RP1: variants seen among roughly 807,000 people sequenced by gnomAD.
RP1 encodes the protein oxygen-regulated protein 1.
In RP1, 16 loss-of-function variants were observed where a neutral mutation model predicts 14.8. The ratio of observed to expected loss-of-function variants is 1.08; its 90% CI spans 0.73 to 1.65. The LOEUF (loss-of-function observed/expected upper bound fraction) is 1.65, where lower values mean the gene tolerates loss of function less well. Ranked by LOEUF, RP1 falls within the 40% of genes most tolerant of loss-of-function variation. The pLI is 0.00. For missense variants in RP1, 2,631 were observed against 2,535.0 expected, an observed-to-expected ratio of 1.04 and a Z score of -0.81; for synonymous variants, 876 against 883.6, an observed-to-expected ratio of 0.99 and a Z score of 0.15.
chr8:54,745,678 CTT>C (rs748345015), intron 19 of RP1, among the ~76,000 whole-genome samples: 5 of 140,902 alleles, frequency 3.5e-5, no homozygotes, highest in Admixed American at 7.1e-5. Context: ...TTTCTTTTTC[CTT>C]TTTTTTTTTT....
chr8:54,850,783 T>G (rs528821553), intron 25 of RP1, among the ~76,000 whole-genome samples: 1 of 152,186 alleles, frequency 6.6e-6, no homozygotes, highest in Non-Finnish European at 1.5e-5. Flanking sequence ...TTTACATGCT[T>G]TTGTTGTACT....
chr8:54,857,428 C>T (rs1294065391), intron 27 of RP1, among the ~76,000 whole-genome samples: 2 of 148,314 alleles, frequency 1.3e-5, no homozygotes, highest in Non-Finnish European at 3.0e-5. Context: ...GGTATATTTA[C>T]ATTAAATATA....
At chr8:54,831,028 T>A (rs1420570508) in intron 24 of RP1, among the ~76,000 whole-genome samples, 2 of 152,118 alleles carry the variant, frequency 1.3e-5, no homozygotes. Flanking sequence ...GAAGCATACA[T>A]CCGTACTTCA....
At chr8:54,715,916 G>C (rs187521082) in intron 15 of RP1, among the ~76,000 whole-genome samples, 1 of 152,308 alleles carries the variant, frequency 6.6e-6, no homozygotes, top group Admixed American at 6.5e-5. Context: ...ACGCCATAGT[G>C]TGCAAAGTTC....
chr8:54,591,111 G>A (rs1805035405), intron 1 of RP1, among the ~76,000 whole-genome samples: 1 of 152,146 alleles, frequency 6.6e-6, no homozygotes, highest in Non-Finnish European at 1.5e-5. Flanking sequence ...CCAACTAGCA[G>A]AGCAGCAAGG....
At chr8:54,770,114 T>C, downstream of RP1, 1 of 401,442 alleles carries the variant, frequency 2.5e-6, no homozygotes, top group South Asian at 1.2e-4. Context: ...TTCACTTTTA[T>C]TTTTGCAGAA....
At chr8:54,685,444 T>A (rs980298059) in intron 12 of RP1, among the ~76,000 whole-genome samples, 2 of 152,202 alleles carry the variant, frequency 1.3e-5, no homozygotes, top group African/African-American at 2.4e-5. Context: ...GTCGTTCAAT[T>A]TCCATGTAGT....
Position 54,630,757 on chromosome 8 carries a change from A to T in RP1, c.*404A>T. 1 of 1,010,714 alleles carries T rather than the reference A, an allele frequency of 9.9e-7. No individual in the cohort carries two copies. Among genetic ancestry groups the T allele is most frequent in the Non-Finnish European group, 1.2e-6 (1 of 845,036 alleles). The allele number at this position is 1,010,714 out of a possible 1,614,324, so 62.6% of individuals were successfully genotyped here. On this transcript the variant is annotated 3_prime_UTR_variant, in exon 4 of 4. Coordinates refer to ENST00000220676, the MANE Select transcript of RP1 (RefSeq NM_006269.2). ...AATTGAATAGACATAACCTCAAAGT[A>T]CTTCACTTATTCTTTTTAACTACTG...
intron 24 of RP1, among the ~76,000 whole-genome samples, chr8:54,803,849 C>T (rs1390682852): frequency 3.3e-5 from 5 of 152,054 alleles, no homozygotes; most frequent in Non-Finnish European, 1.5e-5. Context: ...GTGGGTGGAT[C>T]ATGAGGTCAG....
chr8:54,823,922 AT>A (rs1006870124), intron 24 of RP1, among the ~76,000 whole-genome samples: 1 of 151,550 alleles, frequency 6.6e-6, no homozygotes, highest in African/African-American at 2.4e-5. Flanking sequence ...AGAGATCTGG[AT>A]TTTTTTTTCC....
intron 24 of RP1, among the ~76,000 whole-genome samples, chr8:54,827,289 A>G (rs979704804): frequency 6.6e-6 from 1 of 152,028 alleles, no homozygotes; most frequent in Non-Finnish European, 1.5e-5. Flanking sequence ...TGAAACACAA[A>G]CACATTGTAC....
At position 54,622,237 on chromosome 8, in the gene RP1, A is replaced by T. The variant is rs550073225; in HGVS notation, c.736A>T (p.Ile246Phe). 1.9e-6 allele frequency: 3 copies of T among 1,614,184 alleles called. No individual in the cohort carries two copies. Among genetic ancestry groups the T allele is most frequent in the East Asian group, 2.2e-5 (1 of 44,882 alleles). Residue 246 changes from isoleucine to phenylalanine, a missense_variant, in exon 3 of 4, where the codon ATC becomes TTC. Coordinates refer to ENST00000220676, the MANE Select transcript of RP1 (RefSeq NM_006269.2). ...KYLLPARLPG[I>F]SQRVYPKGNA... ...CTTGCTTCCTGCTAGATTACCAGGG[A>T]TCTCTCAGCGTGTGTACCCCAAGGG...
chr8:54,603,526 T>A (rs1277503329), intron 1 of RP1, among the ~76,000 whole-genome samples: 1 of 152,054 alleles, frequency 6.6e-6, no homozygotes, highest in African/African-American at 2.4e-5. Flanking sequence ...TGAGGGCTCT[T>A]TTTTGGTTCC....
intron 12 of RP1, among the ~76,000 whole-genome samples, chr8:54,698,004 C>T (rs775998936): frequency 9.2e-5 from 14 of 152,112 alleles, no homozygotes; most frequent in Non-Finnish European, 2.1e-4. Context: ...GACTAAAACA[C>T]CAATAGCAAG....
At chr8:54,677,033 C>T (rs866472409) in intron 8 of RP1, among the ~76,000 whole-genome samples, 2 of 150,892 alleles carry the variant, frequency 1.3e-5, no homozygotes, top group Non-Finnish European at 2.9e-5. Context: ...AAGTGTGGTT[C>T]GTAGGCCATT....
intron 7 of RP1, among the ~76,000 whole-genome samples, chr8:54,673,003 G>C (rs534535092): frequency 2.0e-5 from 3 of 152,084 alleles, no homozygotes; most frequent in Non-Finnish European, 4.4e-5. Flanking sequence ...TTTGTACCAG[G>C]CATGAACAGT....
rs968547586 is a variant in RP1, at chr8:54,808,651, T to C, written c.3615+24941T>C. 4.6e-5 allele frequency among the ~76,000 whole-genome samples: 7 copies of C among 152,246 alleles called. 1 individual carries two copies. Among genetic ancestry groups the C allele is most frequent in the Admixed American group, 3.3e-4 (5 of 15,278 alleles). The stretch of plus-strand genomic sequence containing the variant: ...TTTTCACTTGACCATTATTTTACCA[T>C]TTCTTTGTTAAAAAATGTTTCTTCT... On this transcript the variant is annotated intron_variant, in intron 24 of 28. Transcript: ENST00000637698.
chr8:54,678,446 T>C, intron 8 of RP1: 2 of 1,530,094 alleles, frequency 1.3e-6, no homozygotes, highest in Non-Finnish European at 1.7e-6. Flanking sequence ...TTTTCATTCT[T>C]TAATTTGTGT....
At chr8:54,684,757 G>T (rs571150378) in intron 12 of RP1, among the ~76,000 whole-genome samples, 56 of 151,756 alleles carry the variant, frequency 3.7e-4, no homozygotes, top group Middle Eastern at 3.4e-3. Context: ...AAGTTTTGAG[G>T]TACATGTGCA....
Sources: gnomAD v4.1 joint callset for allele counts (sites outside exome capture counted in the v4.1 genomes callset) on GRCh38, gnomAD v4.1.1 for gene constraint, MANE v1.5 for transcripts, NCBI Gene and HGNC (gene_info 2026-07-23, HGNC 2026-07-21) for gene names.